The following TNFSF18 variants were observed in gnomAD, a reference collection of about 807,000 sequenced individuals.
TNFSF18 encodes TNF superfamily member 18.
A neutral mutation model predicts 9.6 loss-of-function variants in TNFSF18; 6 were observed. The observed-to-expected ratio is 0.63, with a 90% CI of 0.34 to 1.24. The LOEUF is 1.24. Among genes scored for constraint, TNFSF18 ranks in the 50% most tolerant of loss-of-function variants. The probability of loss-of-function intolerance (pLI) is 0.03; values close to 1 mark genes in which losing one functional copy is unlikely to be tolerated. For synonymous variants in TNFSF18, 68 were observed against 71.7 expected (o/e 0.95, Z 0.26); for missense variants, 210 against 201.0 (o/e 1.04, Z -0.27).
intron 1 of TNFSF18, among the ~76,000 whole-genome samples, 175 bp from the exon 2 acceptor site, chr1:173,044,144 C>T (rs1365952457): frequency 6.6e-6 from 1 of 152,090 alleles, no homozygotes; most frequent in Non-Finnish European, 1.5e-5. Context: ...AGTTGAGTGG[C>T]TCCATCCTTT....
At chr1:173,048,326 T>C (rs979547879) in intron 1 of TNFSF18, among the ~76,000 whole-genome samples, 1 of 152,216 alleles carries the variant, frequency 6.6e-6, no homozygotes, top group Non-Finnish European at 1.5e-5. Flanking sequence ...AACCTCTTCT[T>C]GATTTAAGGC....
chr1:173,047,747 GTATAATA>G (rs1189630651), intron 1 of TNFSF18, among the ~76,000 whole-genome samples: 2 of 152,080 alleles, frequency 1.3e-5, no homozygotes, highest in Non-Finnish European at 2.9e-5. Context: ...CAGAAATTCC[GTATAATA>G]TACTGCAGGC....
chr1:173,043,549 TC>T (rs1199900907), intron 2 of TNFSF18, among the ~76,000 whole-genome samples: 4 of 152,284 alleles, frequency 2.6e-5, no homozygotes, highest in Admixed American at 2.0e-4. Context: ...TGGCACTCTC[TC>T]ACATACTCCA....
intron 2 of TNFSF18, 121 bp downstream of exon 2, chr1:173,043,818 A>G (rs913873781): frequency 2.0e-6 from 2 of 976,484 alleles, no homozygotes; most frequent in Non-Finnish European, 3.3e-6. Flanking sequence ...ATGATAAGTA[A>G]TTATACATAG....
In TNFSF18 at chr1:173,041,306, C is replaced by A. The variant is rs192848058; in HGVS notation, c.*61G>T. 1 of 1,336,070 alleles carries A rather than the reference C, an allele frequency of 7.5e-7. No individual in the cohort carries two copies. 82.8% of individuals were successfully genotyped at this position (1,336,070 alleles called of 1,614,324 possible). ...TCTAGAAATTGAATATCTTCTCCCT[C>A]CAATCCACCCACTGGCACCTCTACA... On this transcript the variant is annotated 3_prime_UTR_variant, in exon 3 of 3. Transcript: ENST00000404377.
At position 173,041,385 on chromosome 1, in the gene TNFSF18, A is replaced by G. The variant is rs763765471; in HGVS notation, c.516T>C (p.Asn172=). ...CAAGTCTCTAGGAGATGAATTGGGG[A>G]TTTGCTAGTAAAATGATACCCCAGT... is the stretch of plus-strand genomic sequence containing the variant. ...NTYWGIILLA[N]PQFIS Residue 172 remains asparagine, a synonymous_variant, in exon 3 of 3, where the codon AAT becomes AAC. Transcript: ENST00000404377. The G allele has an allele frequency of 1.1e-5, 17 of 1,608,082 alleles. No individual in the cohort carries two copies. The South Asian group carries it at 1.8e-4, about 17-fold the overall frequency.
At chr1:173,047,163 T>C (rs946936776) in intron 1 of TNFSF18, among the ~76,000 whole-genome samples, 5 of 152,194 alleles carry the variant, frequency 3.3e-5, no homozygotes, top group African/African-American at 1.2e-4. Flanking sequence ...CCCAAAGTGC[T>C]GGGATTATAG....
intron 1 of TNFSF18, among the ~76,000 whole-genome samples, chr1:173,047,614 A>C (rs1270530017): frequency 6.6e-6 from 1 of 152,188 alleles, no homozygotes; most frequent in African/African-American, 2.4e-5. Flanking sequence ...GTAACAATCT[A>C]AATATGAATG....
chr1:173,041,429 C>T lies in TNFSF18; in HGVS notation c.472G>A (p.Val158Ile), dbSNP rs150233898. The change falls in exon 3 of 3, where the codon GTT becomes ATT. Residue 158 changes from valine (V) to isoleucine (I), a missense_variant. Physicochemically the swap from Val to Ile is conservative, Grantham distance 29. Coordinates refer to ENST00000404377, the MANE Select transcript of TNFSF18 (RefSeq NM_005092.4). Reference protein sequence around the residue: ...IDLIFNSEHQVLKNNTYWGII... With the variant: ...IDLIFNSEHQILKNNTYWGII... ...CCCCAGTATGTATTATTTTTTAGAA[C>T]CTGATGCTCAGAGTTGAATATCAAG... 1 of 1,613,150 alleles carries T rather than the reference C, an allele frequency of 6.2e-7. No individual in the cohort carries two copies. The highest frequency in any genetic ancestry group is 1.3e-5 in the African/African-American group (1 of 74,888).
At position 173,041,680 on chromosome 1, in the gene TNFSF18, G is replaced by C; in HGVS notation, c.221C>G (p.Ser74Cys). 6.2e-7 allele frequency: 1 copy of C among 1,607,746 alleles called. No individual in the cohort carries two copies. Among genetic ancestry groups the C allele is most frequent in the Middle Eastern group, 1.7e-4 (1 of 6,018 alleles). The change falls in exon 3 of 3, where the codon TCT becomes TGT. Residue 74 changes from serine to cysteine, a missense_variant. Ser to Cys is a moderately radical substitution (Grantham distance 112). Transcript: ENST00000404377. Reference protein sequence around the residue: ...PLPSKWQMASSEPPCVNKVSD... With the variant: ...PLPSKWQMASCEPPCVNKVSD... ...CACCTTATTCACGCAAGGAGGTTCAGAAGATGCCATTTGCCATTTTGAGGG... is the reference window on the plus strand; with the variant it reads ...CACCTTATTCACGCAAGGAGGTTCACAAGATGCCATTTGCCATTTTGAGGG...
At chr1:173,042,802 A>G (rs1665014080) in intron 2 of TNFSF18, among the ~76,000 whole-genome samples, 1 of 152,084 alleles carries the variant, frequency 6.6e-6, no homozygotes, top group Non-Finnish European at 1.5e-5. Context: ...TAAAAAGAAA[A>G]CTTGATGAGG....
At chr1:173,043,814 A>C in intron 2 of TNFSF18, 125 bp downstream of exon 2, 1 of 943,154 alleles carries the variant, frequency 1.1e-6, no homozygotes, top group Non-Finnish European at 1.7e-6. Flanking sequence ...GTACATGATA[A>C]GTAATTATAC....
At position 173,041,376 on chromosome 1, in the gene TNFSF18, G is replaced by T. The variant is rs762855448; in HGVS notation, c.525C>A (p.Phe175Leu). 6.2e-7 allele frequency: 1 copy of T among 1,605,076 alleles called. No homozygotes were observed. The highest frequency in any genetic ancestry group is 2.2e-5 in the East Asian group (1 of 44,818). The change falls in exon 3 of 3, where the codon TTC (phenylalanine) becomes TTA (leucine). Residue 175 changes from phenylalanine to leucine, a missense_variant. By Grantham distance (22) the Phe-to-Leu change is conservative (BLOSUM62 0). Coordinates refer to ENST00000404377, the MANE Select transcript of TNFSF18 (RefSeq NM_005092.4). ...WGIILLANPQ[F>L]IS ...AGATCAAATCAAGTCTCTAGGAGAT[G>T]AATTGGGGATTTGCTAGTAAAATGA...
chr1:173,048,549 G>A (rs1001331706), intron 1 of TNFSF18, among the ~76,000 whole-genome samples: 3 of 151,918 alleles, frequency 2.0e-5, no homozygotes, highest in Non-Finnish European at 2.9e-5. Context: ...TTTCACTGAG[G>A]GATTGACCAA....
intron 2 of TNFSF18, among the ~76,000 whole-genome samples, chr1:173,043,322 C>G (rs1214970466): frequency 6.6e-6 from 1 of 151,226 alleles, no homozygotes; most frequent in Non-Finnish European, 1.5e-5. Flanking sequence ...GGCCTGAAAC[C>G]TATAAACAAC....
At chr1:173,041,829 A>T (rs1242687422) in intron 2 of TNFSF18, 116 bp from the exon 3 acceptor site, 2 of 920,362 alleles carry the variant, frequency 2.2e-6, no homozygotes, top group Admixed American at 2.9e-5. Flanking sequence ...TACCTGATCT[A>T]CACTAGTTCT....
rs1218719175 is a variant in TNFSF18 at position 173,040,427 on chromosome 1, T to C, written c.*940A>G. 2.6e-5 allele frequency: 4 copies of C among 152,190 alleles called. No homozygotes were observed. The highest frequency in any genetic ancestry group is 5.9e-5 in the Non-Finnish European group (4 of 68,028). 9.4% of individuals were successfully genotyped at this position (152,190 alleles called of 1,614,324 possible). On this transcript the variant is annotated 3_prime_UTR_variant, in exon 3 of 3. Coordinates refer to ENST00000404377, the MANE Select transcript of TNFSF18 (RefSeq NM_005092.4). The stretch of plus-strand genomic sequence containing the variant: ...TTGCCTCTTGTAGTCACTTGTCCTA[T>C]GAGTTGAGGAAAGTTGGCTATGCTA...
chr1:173,044,257 C>CA (rs1665037693), intron 1 of TNFSF18, among the ~76,000 whole-genome samples: 1 of 145,740 alleles, frequency 6.9e-6, no homozygotes, highest in African/African-American at 2.5e-5. Context: ...GATATCGGAC[C>CA]CCCCCCCCAA....
rs1665063470 is a variant in TNFSF18, at chr1:173,045,330, A to G, written c.157-1361T>C. Among the ~76,000 whole-genome samples the G allele has an allele frequency of 1.3e-5, 2 of 152,154 alleles. 1 individual carries two copies. Among genetic ancestry groups the G allele is most frequent in the South Asian group, 4.1e-4 (2 of 4,832 alleles). ...AAGCTGAGTCTGAAAGGAAACTAGGAGAGTCTGATGTTTGGAAGCCAAGAA... is the reference window on the plus strand; with the variant it reads ...AAGCTGAGTCTGAAAGGAAACTAGGGGAGTCTGATGTTTGGAAGCCAAGAA... On this transcript the variant is annotated intron_variant, in intron 1 of 2. Coordinates refer to ENST00000404377, the MANE Select transcript of TNFSF18 (RefSeq NM_005092.4).
Sources: allele counts gnomAD v4.1 joint callset (sites outside exome capture counted in the v4.1 genomes callset), GRCh38; gene constraint gnomAD v4.1.1; transcripts MANE v1.5; gene names NCBI Gene and HGNC (gene_info 2026-07-23, HGNC 2026-07-21).